The following ITPR2 variants were observed in gnomAD, a reference collection of about 807,000 sequenced individuals.
The protein encoded by ITPR2 is inositol 1,4,5-trisphosphate receptor type 2.
In ITPR2, 207 loss-of-function variants were observed where a neutral mutation model predicts 317.1. The observed-to-expected ratio is 0.65, with a 90% CI of 0.58 to 0.73. The LOEUF (loss-of-function observed/expected upper bound fraction) is 0.73. Among genes scored for constraint, ITPR2 ranks in the 30% least tolerant of loss-of-function variants. ITPR2 has a pLI of 0.00. For synonymous variants in ITPR2, 1,156 were observed against 1,149.1 expected, an observed-to-expected ratio of 1.01 and a Z score of -0.12; for missense variants, 2,613 against 3,284.0, an observed-to-expected ratio of 0.80 and a Z score of 4.99.
At chr12:26,425,137 T>A (rs1941018697) in intron 49 of ITPR2, among the ~76,000 whole-genome samples, 1 of 151,808 alleles carries the variant, frequency 6.6e-6, no homozygotes, top group African/African-American at 2.4e-5. Flanking sequence ...AGAGATGAGG[T>A]CTCACTATGT....
At chr12:26,832,019 G>A (rs1951119143) in intron 1 of ITPR2, among the ~76,000 whole-genome samples, 1 of 151,908 alleles carries the variant, frequency 6.6e-6, no homozygotes, top group Non-Finnish European at 1.5e-5. Context: ...GCCAAGGCCT[G>A]GGAAGGAGAG....
intron 55 of ITPR2, among the ~76,000 whole-genome samples, chr12:26,358,550 T>G (rs1200374350): frequency 1.3e-5 from 2 of 152,186 alleles, no homozygotes. Context: ...CAATTTGAAA[T>G]CCATCATCCC....
At chr12:26,525,152 A>G (rs1943777060) in intron 37 of ITPR2, among the ~76,000 whole-genome samples, 1 of 152,174 alleles carries the variant, frequency 6.6e-6, no homozygotes, top group South Asian at 2.1e-4. Context: ...ATTTTACTGT[A>G]AAATATGGAT....
At chr12:26,622,447 T>C (rs767261120) in intron 24 of ITPR2, 42 bp from the exon 25 acceptor site, 4 of 1,453,300 alleles carry the variant, frequency 2.8e-6, no homozygotes, top group Non-Finnish European at 2.8e-6. Flanking sequence ...CCTATTTATA[T>C]AACATCTACA....
chr12:26,529,104 G>T (rs935420671), intron 37 of ITPR2, among the ~76,000 whole-genome samples: 2 of 152,112 alleles, frequency 1.3e-5, no homozygotes, highest in African/African-American at 4.8e-5. Context: ...AATTATCTCT[G>T]CTTTCACTCT....
At chr12:26,520,568 T>C (rs1429473396) in intron 37 of ITPR2, among the ~76,000 whole-genome samples, 2 of 152,216 alleles carry the variant, frequency 1.3e-5, no homozygotes, top group African/African-American at 4.8e-5. Context: ...TCCAGCCACA[T>C]GGGACCTCTC....
intron 37 of ITPR2, among the ~76,000 whole-genome samples, chr12:26,507,853 C>CTG (rs541133629): frequency 2.4e-3 from 255 of 107,500 alleles, no homozygotes; most frequent in Middle Eastern, 0.014. Context: ...CTACTCTTCT[C>CTG]TCTCTGTCTC....
intron 2 of ITPR2, among the ~76,000 whole-genome samples, chr12:26,766,395 C>T (rs535854259): frequency 7.2e-5 from 11 of 151,866 alleles, no homozygotes; most frequent in African/African-American, 2.2e-4. Flanking sequence ...TCTTTCCATG[C>T]GTTTACTAAC....
chr12:26,807,348 T>A (rs1462629733), intron 1 of ITPR2, among the ~76,000 whole-genome samples: 2 of 152,234 alleles, frequency 1.3e-5, no homozygotes, highest in African/African-American at 4.8e-5. Flanking sequence ...AGGAAAGGAT[T>A]TCAACAATAC....
chr12:26,347,193 G>A (rs1938338626), intron 55 of ITPR2, among the ~76,000 whole-genome samples: 1 of 152,118 alleles, frequency 6.6e-6, no homozygotes, highest in Non-Finnish European at 1.5e-5. Context: ...ATTGTCCACT[G>A]GCTCAAGAAA....
At chr12:26,785,286 G>A (rs1167556389) in intron 2 of ITPR2, among the ~76,000 whole-genome samples, 8 of 43,430 alleles carry the variant, frequency 1.8e-4, no homozygotes, top group African/African-American at 4.3e-4. Context: ...CAGCCGCCCC[G>A]TCCGAGAGGG....
chr12:26,749,756 A>C (rs1246315423), intron 2 of ITPR2, among the ~76,000 whole-genome samples: 1 of 152,238 alleles, frequency 6.6e-6, no homozygotes, highest in Admixed American at 6.5e-5. Context: ...TCCTAAGTAA[A>C]GTAGTAATTT....
At chr12:26,713,759 T>A (rs1016517088) in intron 8 of ITPR2, among the ~76,000 whole-genome samples, 37 of 151,930 alleles carry the variant, frequency 2.4e-4, no homozygotes, top group South Asian at 2.3e-3. Context: ...TAATATCTCA[T>A]CTTATTGCTA....
chr12:26,763,636 A>G (rs938901456), intron 2 of ITPR2, among the ~76,000 whole-genome samples: 5 of 152,138 alleles, frequency 3.3e-5, no homozygotes, highest in African/African-American at 4.8e-5. Context: ...TAGAAGTTCT[A>G]TTAGTGGGGA....
intron 26 of ITPR2, among the ~76,000 whole-genome samples, chr12:26,615,177 A>G (rs1946348274): frequency 1.3e-5 from 2 of 152,188 alleles, no homozygotes; most frequent in South Asian, 4.1e-4. Flanking sequence ...ATAATGAAAC[A>G]CAACATGAGT....
intron 26 of ITPR2, among the ~76,000 whole-genome samples, chr12:26,610,432 TA>T (rs1192170371): frequency 6.6e-6 from 1 of 151,790 alleles, no homozygotes; most frequent in African/African-American, 2.4e-5. Flanking sequence ...TTTCAAAAAG[TA>T]ATGAGATGTG....
At chr12:26,564,108 T>G (rs1944887744) in intron 34 of ITPR2, among the ~76,000 whole-genome samples, 1 of 152,112 alleles carries the variant, frequency 6.6e-6, no homozygotes, top group Non-Finnish European at 1.5e-5. Context: ...CATAAACATG[T>G]GAAAAATTGG....
At position 26,628,069 on chromosome 12, in the gene ITPR2, A is replaced by G. The variant is rs1020719391; in HGVS notation, c.3028T>C (p.Ser1010Pro). The change falls in exon 23 of 57, where the codon TCT becomes CCT. Residue 1010 changes from serine to proline, a missense_variant. This residue lies in a region of ITPR2 where 817 missense variants were observed against 897.6 expected (regional missense o/e 0.91). Coordinates refer to ENST00000381340, the MANE Select transcript of ITPR2 (RefSeq NM_002223.4). ...FGEDNDNAET[S>P]ASGSPDTLLP... is the part of the protein sequence containing the mutation. ...AAAGTGTCTGGAGATCCACTGGCAGATGTCTCCGCATTGTCATTGTCCTCT... is the reference window on the plus strand; with the variant it reads ...AAAGTGTCTGGAGATCCACTGGCAGGTGTCTCCGCATTGTCATTGTCCTCT... 3 of 1,613,338 alleles carry G rather than the reference A, an allele frequency of 1.9e-6. No individual in the cohort carries two copies. Among genetic ancestry groups the G allele is most frequent in the African/African-American group, 2.7e-5 (2 of 74,906 alleles).
intron 40 of ITPR2, 96 bp from the exon 41 acceptor site, chr12:26,486,456 T>C: frequency 9.9e-7 from 1 of 1,009,560 alleles, no homozygotes; most frequent in Non-Finnish European, 1.4e-6. Context: ...CTCTAACAAT[T>C]GAATTAAAAA....
Sources: gnomAD v4.1 joint callset for allele counts (sites outside exome capture counted in the v4.1 genomes callset) on GRCh38, gnomAD v4.1.1 for gene constraint, gnomAD v4.1.1 regional missense constraint, MANE v1.5 for transcripts, NCBI Gene and HGNC (gene_info 2026-07-23, HGNC 2026-07-21) for gene names.